The following ANK2 variants were observed in gnomAD, a reference collection of about 807,000 sequenced individuals.
The protein encoded by ANK2 is ankyrin-2.
Under a neutral mutation model 360.5 loss-of-function variants are expected in ANK2, and 83 were observed. The ratio of observed to expected loss-of-function variants is 0.23; its 90% confidence interval spans 0.19 to 0.28. The LOEUF (loss-of-function observed/expected upper bound fraction) is 0.28. Among genes scored for constraint, ANK2 ranks in the 10% least tolerant of loss-of-function variants. ANK2 has a pLI of 1.00. For synonymous variants in ANK2, 1,740 were observed against 1,759.5 expected, an observed-to-expected ratio of 0.99 and a Z score of 0.28; for missense variants, 4,201 against 4,795.7, an observed-to-expected ratio of 0.88 and a Z score of 3.66.
intron 1 of ANK2, among the ~76,000 whole-genome samples, chr4:112,848,411 C>T (rs528498982): frequency 6.6e-6 from 1 of 152,346 alleles, no homozygotes; most frequent in East Asian, 1.9e-4. Flanking sequence ...ATCCACCTGC[C>T]TTGGCCTCCC....
At chr4:112,850,216 A>G (rs2064343586) in intron 1 of ANK2, among the ~76,000 whole-genome samples, 1 of 151,634 alleles carries the variant, frequency 6.6e-6, no homozygotes, top group Non-Finnish European at 1.5e-5. Context: ...CTCGAACTCT[A>G]TAATCATGTG....
intron 1 of ANK2, among the ~76,000 whole-genome samples, chr4:112,845,247 A>C (rs1292327082): frequency 6.6e-6 from 1 of 152,188 alleles, no homozygotes; most frequent in East Asian, 1.9e-4. Context: ...ATTAGAATAA[A>C]TAAATTGTAA....
intron 32 of ANK2, among the ~76,000 whole-genome samples, chr4:113,340,726 AAAAC>A (rs1237919191): frequency 2.1e-5 from 3 of 139,926 alleles, no homozygotes; most frequent in South Asian, 2.1e-4. Flanking sequence ...AAACAAACAA[AAAAC>A]AAACAAACAA....
At chr4:112,774,864 T>C in the ANK2 span, among the ~76,000 whole-genome samples, 1 of 152,168 alleles carries the variant, frequency 6.6e-6, no homozygotes. Context: ...TTTGAACGTT[T>C]TTGAGAAGAG....
chr4:112,920,565 G>A (rs1192773311), intron 2 of ANK2, among the ~76,000 whole-genome samples: 1 of 152,158 alleles, frequency 6.6e-6, no homozygotes, highest in Non-Finnish European at 1.5e-5. Context: ...ATCTTTGATT[G>A]TTTAAACATG....
At chr4:113,013,688 C>T (rs887024857) in intron 2 of ANK2, among the ~76,000 whole-genome samples, 2 of 152,114 alleles carry the variant, frequency 1.3e-5, no homozygotes, top group Non-Finnish European at 2.9e-5. Flanking sequence ...ATTATATTTT[C>T]AAACTGTTTT....
chr4:113,088,438 A>G (rs1014257467), intron 1 of ANK2, among the ~76,000 whole-genome samples: 1 of 152,232 alleles, frequency 6.6e-6, no homozygotes, highest in Non-Finnish European at 1.5e-5. Context: ...ACATAACTTT[A>G]AAGTGGAAGC....
the ANK2 span, among the ~76,000 whole-genome samples, chr4:112,779,375 C>T: frequency 5.3e-5 from 8 of 152,190 alleles, no homozygotes; most frequent in East Asian, 1.9e-4. Flanking sequence ...AAAAATTAGC[C>T]GGGCGTGGTG....
chr4:112,862,247 CAGT>C (rs2068349053), intron 1 of ANK2, among the ~76,000 whole-genome samples: 1 of 152,184 alleles, frequency 6.6e-6, no homozygotes, highest in Non-Finnish European at 1.5e-5. Flanking sequence ...AGCTTTAGTG[CAGT>C]AGTGTTTGAC....
At chr4:112,793,519 G>A in the ANK2 span, among the ~76,000 whole-genome samples, 10 of 151,886 alleles carry the variant, frequency 6.6e-5, no homozygotes, top group African/African-American at 1.9e-4. Context: ...TAATAATTTT[G>A]TCTCATTATG....
At chr4:113,016,029 AT>A (rs562309381) in intron 2 of ANK2, among the ~76,000 whole-genome samples, 2,102 of 150,924 alleles carry the variant, frequency 0.014, 46 homozygotes, top group African/African-American at 0.046. Flanking sequence ...TTTTTCAAAA[AT>A]TTTTTTTTTC....
intron 24 of ANK2, 131 bp from the exon 25 acceptor site, chr4:113,317,576 T>C (rs945562338): frequency 4.1e-6 from 3 of 723,782 alleles, no homozygotes; most frequent in Admixed American, 2.0e-5. Context: ...AACAGAGACT[T>C]GTGTCCCCCT....
Position 113,195,376 on chromosome 4 carries a change from CTTAGA to C in ANK2, c.187-990_187-986del, listed in dbSNP as rs1562798150. Among the ~76,000 whole-genome samples, 14 of 152,082 alleles carry C rather than the reference CTTAGA, an allele frequency of 9.2e-5. No homozygotes were observed. The South Asian group carries it at 2.9e-3, about 32-fold the overall frequency. On this transcript the variant is annotated intron_variant, in intron 2 of 45. Transcript: ENST00000357077. ...ATTCTGAGTATGACTCACAGTCATT[CTTAGA>C]TAAGTACTCTTCTATAACAATCTAC...
intron 1 of ANK2, among the ~76,000 whole-genome samples, chr4:113,128,799 T>C (rs1281437280): frequency 1.3e-5 from 2 of 152,298 alleles, no homozygotes; most frequent in East Asian, 3.9e-4. Context: ...GTTTTTAATA[T>C]ATACACAGAT....
intron 2 of ANK2, among the ~76,000 whole-genome samples, chr4:112,997,801 T>TAC (rs771955023): frequency 1.3e-5 from 2 of 151,534 alleles, no homozygotes; most frequent in Non-Finnish European, 2.9e-5. Context: ...TAAACATATA[T>TAC]ACACACACAC....
intron 2 of ANK2, among the ~76,000 whole-genome samples, chr4:112,918,649 T>C (rs2090626764): frequency 6.6e-6 from 1 of 152,186 alleles, no homozygotes; most frequent in Non-Finnish European, 1.5e-5. Context: ...ATGGCAGTAA[T>C]ATTAATTATG....
chr4:113,352,345 T>A (rs573292926), intron 37 of ANK2, among the ~76,000 whole-genome samples: 1 of 152,312 alleles, frequency 6.6e-6, no homozygotes, highest in African/African-American at 2.4e-5. Flanking sequence ...ATTCTGTGTC[T>A]AAACAAGGAG....
the ANK2 span, among the ~76,000 whole-genome samples, chr4:112,756,673 G>C: frequency 2.6e-5 from 4 of 152,170 alleles, no homozygotes; most frequent in Non-Finnish European, 5.9e-5. Flanking sequence ...TTTGAGCTCG[G>C]CTGGAAAAAT....
intron 1 of ANK2, among the ~76,000 whole-genome samples, chr4:113,163,764 C>CAAAAAAAAAAAAAAAAAAAAAAAAAAA (rs1158530849): frequency 2.5e-4 from 14 of 55,048 alleles, no homozygotes; most frequent in African/African-American, 6.2e-4. Flanking sequence ...AACTTCGTCT[C>CAAAAAAAAAAAAAAAAAAAAAAAAAAA]AAAAAAAAAA....
Sources: allele counts gnomAD v4.1 joint callset (sites outside exome capture counted in the v4.1 genomes callset), GRCh38; gene constraint gnomAD v4.1.1; transcripts MANE v1.5; gene names NCBI Gene and HGNC (gene_info 2026-07-23, HGNC 2026-07-21).